NELL2: variants seen among roughly 807,000 people sequenced by gnomAD.
The protein encoded by NELL2 is neural EGFL like 2, also known as protein kinase C-binding protein NELL2.
Under a neutral mutation model 109.6 loss-of-function variants are expected in NELL2, and 41 were observed. That is an observed-to-expected ratio of 0.37 (90% CI 0.29 to 0.49). The LOEUF (loss-of-function observed/expected upper bound fraction) is 0.49. Among genes scored for constraint, NELL2 ranks in the 20% least tolerant of loss-of-function variants. The pLI is 0.98. For missense variants in NELL2, 900 were observed against 1,008.3 expected (o/e 0.89, Z 1.45); for synonymous variants, 355 against 344.7 (o/e 1.03, Z -0.33).
chr12:44,769,813 A>G (rs538560733), intron 9 of NELL2, among the ~76,000 whole-genome samples: 6 of 152,280 alleles, frequency 3.9e-5, no homozygotes, highest in South Asian at 2.1e-4. Flanking sequence ...AAATGATACA[A>G]TAAGTATGAA....
chr12:44,608,427 C>T (rs1461677813), intron 14 of NELL2, among the ~76,000 whole-genome samples: 1 of 152,018 alleles, frequency 6.6e-6, no homozygotes, highest in African/African-American at 2.4e-5. Context: ...TGCAAGGTTG[C>T]AGCCTGTTGA....
At chr12:44,686,998 G>T (rs1325107282) in intron 12 of NELL2, among the ~76,000 whole-genome samples, 1 of 152,072 alleles carries the variant, frequency 6.6e-6, no homozygotes, top group Non-Finnish European at 1.5e-5. Flanking sequence ...GCAATGGTGG[G>T]CGCCCCTCCC....
At chr12:44,824,067 T>A (rs958421788) in intron 2 of NELL2, among the ~76,000 whole-genome samples, 2 of 152,236 alleles carry the variant, frequency 1.3e-5, no homozygotes, top group Non-Finnish European at 2.9e-5. Context: ...TCTTTGCCCA[T>A]TTTTTAATCA....
chr12:44,920,253 T>C (rs1261160238), intron 1 of NELL2, among the ~76,000 whole-genome samples: 7 of 152,136 alleles, frequency 4.6e-5, no homozygotes, highest in African/African-American at 1.7e-4. Flanking sequence ...CTAAAGTAGA[T>C]AAAGAAGATA....
At chr12:44,760,684 G>C (rs901062977) in intron 9 of NELL2, among the ~76,000 whole-genome samples, 1 of 151,888 alleles carries the variant, frequency 6.6e-6, no homozygotes, top group Non-Finnish European at 1.5e-5. Flanking sequence ...TAGAATTATT[G>C]GTTAATTTGT....
At chr12:44,808,762 G>A (rs1028559000) in intron 3 of NELL2, among the ~76,000 whole-genome samples, 1 of 151,872 alleles carries the variant, frequency 6.6e-6, no homozygotes, top group African/African-American at 2.4e-5. Flanking sequence ...AAGAAAAATG[G>A]CTTAATACAT....
Position 44,522,551 on chromosome 12 carries a change from T to C in NELL2, c.1999-375A>G, listed in dbSNP as rs548504008. 3.9e-5 allele frequency among the ~76,000 whole-genome samples: 6 copies of C among 152,318 alleles called. No individual in the cohort carries two copies. In the East Asian group the frequency reaches 1.2e-3, roughly 29 times the overall value. Reference sequence around the variant, plus strand: ...TTGTTTTGTTTGAGGACATGTGTTTTAATATTTCATAGTTAATAACATATA... The same window carrying C: ...TTGTTTTGTTTGAGGACATGTGTTTCAATATTTCATAGTTAATAACATATA... On this transcript the variant is annotated intron_variant, in intron 17 of 19. Coordinates refer to ENST00000429094, the MANE Select transcript of NELL2 (RefSeq NM_001145108.2).
chr12:44,759,920 C>T (rs1365849888), intron 9 of NELL2, among the ~76,000 whole-genome samples: 1 of 152,192 alleles, frequency 6.6e-6, no homozygotes, highest in African/African-American at 2.4e-5. Flanking sequence ...ATGTGTATGG[C>T]ATCCGTCTCT....
At chr12:44,801,973 T>C (rs1046734429) in intron 3 of NELL2, among the ~76,000 whole-genome samples, 1 of 152,112 alleles carries the variant, frequency 6.6e-6, no homozygotes, top group African/African-American at 2.4e-5. Context: ...TGAATCAACA[T>C]GCTCCACGAT....
chr12:44,732,809 GTCACT>G (rs1331466416), intron 9 of NELL2, among the ~76,000 whole-genome samples: 2 of 151,822 alleles, frequency 1.3e-5, no homozygotes, highest in African/African-American at 4.8e-5. Context: ...CAGATAAGGA[GTCACT>G]ATTCAAGATA....
intron 12 of NELL2, among the ~76,000 whole-genome samples, chr12:44,700,300 T>C (rs576802445): frequency 6.6e-6 from 1 of 152,318 alleles, no homozygotes; most frequent in East Asian, 1.9e-4. Flanking sequence ...GCATCCAGCC[T>C]TTCTCCTGTT....
chr12:44,569,930 C>T (rs1943801664), intron 15 of NELL2, among the ~76,000 whole-genome samples: 3 of 151,952 alleles, frequency 2.0e-5, no homozygotes, highest in Admixed American at 2.0e-4. Context: ...GGCACTTCAA[C>T]AGGTTGAGTT....
intron 9 of NELL2, among the ~76,000 whole-genome samples, chr12:44,769,476 G>A (rs953032963): frequency 6.6e-6 from 1 of 152,062 alleles, no homozygotes; most frequent in Non-Finnish European, 1.5e-5. Context: ...GGGTGAGGGT[G>A]TGGGGCAACT....
At chr12:44,760,781 G>A (rs1311409805) in intron 9 of NELL2, among the ~76,000 whole-genome samples, 4 of 152,048 alleles carry the variant, frequency 2.6e-5, no homozygotes, top group Non-Finnish European at 4.4e-5. Context: ...AAAAAAAGAA[G>A]GGGACATTCA....
intron 13 of NELL2, among the ~76,000 whole-genome samples, chr12:44,631,916 A>G (rs1306130049): frequency 6.6e-6 from 1 of 152,108 alleles, no homozygotes; most frequent in Non-Finnish European, 1.5e-5. Context: ...TATATGCAAA[A>G]CTTCTAAACA....
intron 3 of NELL2, among the ~76,000 whole-genome samples, chr12:44,809,226 C>T (rs1408725482): frequency 6.6e-6 from 1 of 151,992 alleles, no homozygotes; most frequent in African/African-American, 2.4e-5. Context: ...GAAACAGTTT[C>T]TTTGGAATTT....
At chr12:44,642,159 T>C (rs1946882829) in intron 13 of NELL2, among the ~76,000 whole-genome samples, 1 of 152,156 alleles carries the variant, frequency 6.6e-6, no homozygotes, top group African/African-American at 2.4e-5. Context: ...CAGGGATACA[T>C]GTGAGCAGGT....
intron 19 of NELL2, among the ~76,000 whole-genome samples, chr12:44,509,890 C>A (rs1940909368): frequency 1.3e-5 from 2 of 152,000 alleles, no homozygotes; most frequent in African/African-American, 4.8e-5. Context: ...CTGGAGACTG[C>A]ATGAAAAGGT....
intron 13 of NELL2, among the ~76,000 whole-genome samples, chr12:44,614,720 TTAAGA>T (rs1413681359): frequency 6.6e-6 from 1 of 152,068 alleles, no homozygotes; most frequent in African/African-American, 2.4e-5. Context: ...TAACATGGAC[TTAAGA>T]TGAGGTTTAA....
Sources: gnomAD v4.1 joint callset for allele counts (sites outside exome capture counted in the v4.1 genomes callset) on GRCh38, gnomAD v4.1.1 for gene constraint, MANE v1.5 for transcripts, NCBI Gene and HGNC (gene_info 2026-07-23, HGNC 2026-07-21) for gene names.